ARHGAP29: variants seen among roughly 807,000 people sequenced by gnomAD.
ARHGAP29 encodes the protein rho GTPase-activating protein 29.
In ARHGAP29, 43 loss-of-function variants were observed where a neutral mutation model predicts 122.6. That is an observed-to-expected ratio of 0.35 (90% CI 0.27 to 0.45). The LOEUF (loss-of-function observed/expected upper bound fraction) is 0.45, where lower values mean the gene tolerates loss of function less well. ARHGAP29 is among the 20% of genes least tolerant of loss of function. The pLI is 1.00. For missense variants in ARHGAP29, 1,303 were observed against 1,477.2 expected (o/e 0.88, Z 1.93); for synonymous variants, 506 against 497.1 (o/e 1.02, Z -0.24).
chr1:94,211,039 C>T (rs1345776496), intron 3 of ARHGAP29, among the ~76,000 whole-genome samples: 1 of 151,914 alleles, frequency 6.6e-6, no homozygotes, highest in Non-Finnish European at 1.5e-5. Context: ...AATCCCAGCA[C>T]TTTGGGAGGC....
chr1:94,300,959 G>A, the ARHGAP29 span, among the ~76,000 whole-genome samples: 6 of 152,318 alleles, frequency 3.9e-5, no homozygotes, highest in South Asian at 8.3e-4. Flanking sequence ...ACACACTAAC[G>A]AGTTTGAGAT....
rs145543316 is a variant in ARHGAP29 at position 94,168,907 on chromosome 1, T to C, written c.*4962A>G. Among the ~76,000 whole-genome samples the C allele has an allele frequency of 3.0e-4, 45 of 152,346 alleles. No homozygotes were observed. The highest frequency in any genetic ancestry group is 3.4e-3 in the Middle Eastern group (1 of 294). On this transcript the variant is annotated 3_prime_UTR_variant, in exon 23 of 23. Transcript: ENST00000260526. The stretch of plus-strand genomic sequence containing the variant: ...AAATAAAACTTGTAACTCAGAAGCA[T>C]AGCCAATTAGTCGTTTAATCTATTT...
intron 5 of ARHGAP29, among the ~76,000 whole-genome samples, chr1:94,206,783 C>A (rs756817286): frequency 6.6e-6 from 1 of 151,850 alleles, no homozygotes; most frequent in African/African-American, 2.4e-5. Context: ...GTGGTCCCAG[C>A]TACTTGGGAG....
intron 12 of ARHGAP29, among the ~76,000 whole-genome samples, chr1:94,201,464 C>T (rs146991944): frequency 1.1e-3 from 169 of 151,210 alleles, no homozygotes; most frequent in African/African-American, 3.9e-3. Context: ...TCCCTTCCTT[C>T]CTCCCTCCCT....
chr1:94,202,996 A>T lies in ARHGAP29; in HGVS notation c.876T>A (p.Pro292=). 6.2e-7 allele frequency: 1 copy of T among 1,603,434 alleles called. No individual in the cohort carries two copies. Among genetic ancestry groups the T allele is most frequent in the South Asian group, 1.1e-5 (1 of 87,910 alleles). ...CCATTTCATTTTTCCTTCCAAGTAG[A>T]GGCTGTGAAAGGTATTTAAAATGGA... ...AALQANKFVQ[P]LLGRKNEMEK... The change falls in exon 10 of 23, where the codon CCT becomes CCA. Residue 292 remains proline (P), a splice_region_variant and synonymous_variant. Coordinates refer to ENST00000260526, the MANE Select transcript of ARHGAP29 (RefSeq NM_004815.4).
intron 12 of ARHGAP29, chr1:94,191,350 A>C (rs1196594411): frequency 1.3e-5 from 2 of 152,168 alleles, no homozygotes; most frequent in African/African-American, 2.4e-5. Context: ...AAAGACTGCC[A>C]TGTTTCCTCT....
chr1:94,192,707 C>T (rs2101450475), intron 12 of ARHGAP29: 1 of 152,136 alleles, frequency 6.6e-6, no homozygotes, highest in South Asian at 2.1e-4. Flanking sequence ...ACACTTGGCC[C>T]TGGAGAAGAG....
Position 94,203,952 on chromosome 1 carries a change from G to A in ARHGAP29, c.740C>T (p.Thr247Ile). ...TACCTGAATTCCAATGTTAGTTCTAGTTGCCTCTGCCAACTTGACCATATT... is the reference window on the plus strand; with the variant it reads ...TACCTGAATTCCAATGTTAGTTCTAATTGCCTCTGCCAACTTGACCATATT... Reference protein sequence around the residue: ...TRNMVKLAEATRTNIGIQEFM... With the variant: ...TRNMVKLAEAIRTNIGIQEFM... The change falls in exon 8 of 23, where the codon ACT becomes ATT. Residue 247 changes from threonine (T) to isoleucine (I), a missense_variant. Thr to Ile is a moderately conservative substitution (Grantham distance 89). Coordinates refer to ENST00000260526, the MANE Select transcript of ARHGAP29 (RefSeq NM_004815.4). 1.2e-6 allele frequency: 2 copies of A among 1,613,796 alleles called. No individual in the cohort carries two copies. The highest frequency in any genetic ancestry group is 1.7e-6 in the Non-Finnish European group (2 of 1,179,892).
chr1:94,221,255 T>TA (rs1652275111), intron 2 of ARHGAP29, among the ~76,000 whole-genome samples: 1 of 152,160 alleles, frequency 6.6e-6, no homozygotes, highest in African/African-American at 2.4e-5. Context: ...ATAATCACCC[T>TA]ACCTTTAAAA....
At chr1:94,178,261 G>C (rs1649234641) in intron 20 of ARHGAP29, 94 bp from the exon 21 acceptor site, 16 of 1,226,770 alleles carry the variant, frequency 1.3e-5, no homozygotes, top group Non-Finnish European at 1.8e-5. Context: ...GAGGGAAAAT[G>C]AGCTGCACAA....
chr1:94,295,643 C>T, the ARHGAP29 span, among the ~76,000 whole-genome samples: 108 of 152,084 alleles, frequency 7.1e-4, no homozygotes, highest in African/African-American at 2.6e-3. Flanking sequence ...GCGATGAATC[C>T]ATTGGAGAAG....
At chr1:94,276,230 C>T (rs367673131), upstream of ARHGAP29, among the ~76,000 whole-genome samples, 5 of 151,968 alleles carry the variant, frequency 3.3e-5, no homozygotes, top group African/African-American at 9.7e-5. Context: ...TCCACTCCAA[C>T]CTGAGTGACC....
At chr1:94,301,468 A>T in the ARHGAP29 span, among the ~76,000 whole-genome samples, 1 of 152,112 alleles carries the variant, frequency 6.6e-6, no homozygotes, top group African/African-American at 2.4e-5. Context: ...CCTGACTCAC[A>T]ATCTCCTCAT....
intron 10 of ARHGAP29, 30 bp from the exon 11 acceptor site, chr1:94,202,762 T>C (rs747530391): frequency 6.3e-7 from 1 of 1,598,136 alleles, no homozygotes; most frequent in East Asian, 2.2e-5. Flanking sequence ...AAACACAGAA[T>C]ATGAAAGAAA....
upstream of ARHGAP29, among the ~76,000 whole-genome samples, chr1:94,277,255 T>G (rs552535170): frequency 2.0e-5 from 3 of 152,342 alleles, no homozygotes; most frequent in South Asian, 6.2e-4. Context: ...CGGAAGATCT[T>G]GTTCCTAGGA....
At chr1:94,303,866 T>C in the ARHGAP29 span, among the ~76,000 whole-genome samples, 20 of 152,366 alleles carry the variant, frequency 1.3e-4, no homozygotes, top group African/African-American at 4.6e-4. Flanking sequence ...GCCATGTTAC[T>C]TCCCAGCACT....
At chr1:94,203,894 T>C in intron 8 of ARHGAP29, 36 bp downstream of exon 8, 1 of 1,590,400 alleles carries the variant, frequency 6.3e-7, no homozygotes, top group Non-Finnish European at 8.6e-7. Flanking sequence ...GAGTAGTTTC[T>C]TATTATAGAA....
chr1:94,256,884 T>C (rs1654379015), intron 1 of ARHGAP29, among the ~76,000 whole-genome samples: 1 of 152,086 alleles, frequency 6.6e-6, no homozygotes. Context: ...ATATATTCTA[T>C]GGTTTACTTT....
intron 22 of ARHGAP29, chr1:94,176,976 A>C (rs904996663): frequency 1.3e-5 from 2 of 152,238 alleles, no homozygotes; most frequent in African/African-American, 4.8e-5. Context: ...ATATGGCTGC[A>C]ATGTAAAAAA....
Sources: gnomAD v4.1 joint callset for allele counts (sites outside exome capture counted in the v4.1 genomes callset) on GRCh38, gnomAD v4.1.1 for gene constraint, MANE v1.5 for transcripts, NCBI Gene and HGNC (gene_info 2026-07-23, HGNC 2026-07-21) for gene names.